Variants in SIPA1L1 observed in about 807,000 individuals in gnomAD.
SIPA1L1 encodes signal induced proliferation associated 1 like 1.
A neutral mutation model predicts 162.7 loss-of-function variants in SIPA1L1; 26 were observed. That is an observed-to-expected ratio of 0.16 (90% CI 0.12 to 0.22). The LOEUF (loss-of-function observed/expected upper bound fraction) is 0.22. Among genes scored for constraint, SIPA1L1 ranks in the 10% least tolerant of loss-of-function variants. The pLI, the probability that SIPA1L1 is intolerant of heterozygous loss-of-function variation, is 1.00. For missense variants in SIPA1L1, 1,874 were observed against 2,241.0 expected (o/e 0.84, Z 3.31); for synonymous variants, 829 against 837.4 (o/e 0.99, Z 0.17).
At chr14:71,673,490 A>G (rs1215369272) in intron 12 of SIPA1L1, among the ~76,000 whole-genome samples, 4 of 152,170 alleles carry the variant, frequency 2.6e-5, no homozygotes, top group East Asian at 3.9e-4. Context: ...CCAGTCCTAC[A>G]CCTGAGCTCT....
intron 2 of SIPA1L1, among the ~76,000 whole-genome samples, chr14:71,460,093 A>G (rs2046481583): frequency 6.6e-6 from 1 of 152,214 alleles, no homozygotes; most frequent in Non-Finnish European, 1.5e-5. Context: ...GGAAATAAAG[A>G]TATTTTCTTA....
chr14:71,480,623 T>TTGG (rs1341133515), intron 2 of SIPA1L1, among the ~76,000 whole-genome samples: 2 of 151,584 alleles, frequency 1.3e-5, no homozygotes, highest in African/African-American at 4.8e-5. Flanking sequence ...TTAGCTGGGC[T>TTGG]TGGTGGTGGG....
chr14:71,630,740 G>A (rs890772956), intron 7 of SIPA1L1, among the ~76,000 whole-genome samples: 61 of 152,064 alleles, frequency 4.0e-4, no homozygotes, highest in African/African-American at 1.4e-3. Context: ...CTGCCTTGTA[G>A]TTAATCACCT....
intron 12 of SIPA1L1, among the ~76,000 whole-genome samples, chr14:71,682,160 C>T (rs1050950680): frequency 3.3e-5 from 5 of 152,144 alleles, no homozygotes; most frequent in African/African-American, 1.2e-4. Context: ...TCTATTTCCT[C>T]CTCTACAAAG....
chr14:71,668,359 C>T (rs1056713722), intron 10 of SIPA1L1, among the ~76,000 whole-genome samples: 7 of 152,142 alleles, frequency 4.6e-5, no homozygotes, highest in Non-Finnish European at 8.8e-5. Context: ...CTGGCTCTCT[C>T]TAACAAATCT....
At chr14:71,504,570 A>G (rs1257063225) in intron 2 of SIPA1L1, among the ~76,000 whole-genome samples, 2 of 152,164 alleles carry the variant, frequency 1.3e-5, no homozygotes, top group South Asian at 2.1e-4. Flanking sequence ...GCACACCATT[A>G]TCTTATGTAT....
intron 2 of SIPA1L1, among the ~76,000 whole-genome samples, chr14:71,433,421 A>G (rs538303611): frequency 6.6e-6 from 1 of 152,302 alleles, no homozygotes; most frequent in East Asian, 1.9e-4. Flanking sequence ...GGCTCAAGCA[A>G]TCTTCCAACC....
intron 4 of SIPA1L1, among the ~76,000 whole-genome samples, chr14:71,534,763 G>A (rs551449924): frequency 1.3e-5 from 2 of 152,252 alleles, no homozygotes; most frequent in African/African-American, 4.8e-5. Flanking sequence ...TTACTATGCA[G>A]TGGCCTCAAT....
chr14:71,555,731 C>T (rs1034074695), intron 4 of SIPA1L1, among the ~76,000 whole-genome samples: 4 of 152,104 alleles, frequency 2.6e-5, no homozygotes, highest in Admixed American at 2.0e-4. Context: ...TTTCAAGTTT[C>T]GCTTGAACTT....
chr14:71,652,627 C>CT (rs59093389), intron 8 of SIPA1L1, among the ~76,000 whole-genome samples: 47,840 of 148,190 alleles, frequency 0.32, 8,255 homozygotes, highest in East Asian at 0.68. Context: ...GGCCCTGGTT[C>CT]TTTTTTTTTT....
chr14:71,507,907 A>G (rs750416934), intron 2 of SIPA1L1, among the ~76,000 whole-genome samples: 165 of 152,362 alleles, frequency 1.1e-3, no homozygotes, highest in Non-Finnish European at 1.7e-3. Flanking sequence ...AAGTGCCTGC[A>G]GGGGCCTGGC....
intron 4 of SIPA1L1, among the ~76,000 whole-genome samples, chr14:71,531,517 T>C (rs1024636171): frequency 2.6e-5 from 4 of 152,108 alleles, no homozygotes; most frequent in African/African-American, 9.7e-5. Flanking sequence ...TTTTCTATCT[T>C]GTTCTTGTGT....
chr14:71,416,861 TACTG>T (rs1477353767), intron 2 of SIPA1L1, among the ~76,000 whole-genome samples: 1 of 152,160 alleles, frequency 6.6e-6, no homozygotes, highest in Non-Finnish European at 1.5e-5. Flanking sequence ...AGAATATAAA[TACTG>T]AATTGAATAA....
intron 19 of SIPA1L1, among the ~76,000 whole-genome samples, chr14:71,728,163 G>A (rs1249051409): frequency 6.6e-6 from 1 of 152,176 alleles, no homozygotes; most frequent in Non-Finnish European, 1.5e-5. Context: ...ACAGAAATCT[G>A]AGATCTGACC....
At chr14:71,585,474 G>A (rs796740646) in intron 4 of SIPA1L1, among the ~76,000 whole-genome samples, 9 of 152,314 alleles carry the variant, frequency 5.9e-5, no homozygotes, top group African/African-American at 1.9e-4. Context: ...GTTTGGAAGA[G>A]AAATACTGAT....
In SIPA1L1 at chr14:71,672,578, G is replaced by T; in HGVS notation, c.3060G>T (p.Val1020=). 6.2e-7 allele frequency: 1 copy of T among 1,614,218 alleles called. No homozygotes were observed. Among genetic ancestry groups the T allele is most frequent in the Non-Finnish European group, 8.5e-7 (1 of 1,180,030 alleles). The change falls in exon 12 of 24, where the codon GTG becomes GTT. Residue 1020 remains valine, a synonymous_variant. Transcript: ENST00000381232. ...ACCTCCTGAGAACATCTGTCACGGT[G>T]AAGGTTGTCATCATTCCCCCGCATG... The part of the protein sequence containing the change: ...MIDLLRTSVT[V]KVVIIPPHDD...
Position 71,331,392 on chromosome 14 carries a change from A to T in SIPA1L1, c.-465+10211A>T, listed in dbSNP as rs117522497. 6.8e-3 allele frequency among the ~76,000 whole-genome samples: 1,029 copies of T among 152,308 alleles called. 7 individuals carry two copies. Among genetic ancestry groups the T allele is most frequent in the Non-Finnish European group, 0.012 (798 of 68,016 alleles). On this transcript the variant is annotated intron_variant, in intron 2 of 23. Coordinates refer to ENST00000381232, the MANE Select transcript of SIPA1L1 (RefSeq NM_001386936.1). ...GAAGTGACATTAAACAATTCAAAGA[A>T]TTTTTCCTGTTTTTGAAGGATCGAG...
intron 2 of SIPA1L1, among the ~76,000 whole-genome samples, chr14:71,491,761 A>ACACACACACACAC (rs2049277691): frequency 2.0e-5 from 2 of 97,956 alleles, no homozygotes; most frequent in African/African-American, 4.0e-5. Context: ...TTTTATTTCA[A>ACACACACACACAC]ACACACACAC....
At chr14:71,426,199 C>T (rs1555420980) in intron 2 of SIPA1L1, among the ~76,000 whole-genome samples, 1 of 152,038 alleles carries the variant, frequency 6.6e-6, no homozygotes, top group Non-Finnish European at 1.5e-5. Flanking sequence ...TTCTACCATT[C>T]TCTGTCTTTT....
Sources: allele counts gnomAD v4.1 joint callset (sites outside exome capture counted in the v4.1 genomes callset), GRCh38; gene constraint gnomAD v4.1.1; transcripts MANE v1.5; gene names NCBI Gene and HGNC (gene_info 2026-07-23, HGNC 2026-07-21).